The following CDS1 variants were observed in gnomAD, a reference collection of about 807,000 sequenced individuals.
The protein encoded by CDS1 is phosphatidate cytidylyltransferase 1.
CDS1 carries 41 observed loss-of-function variants against 62.1 expected under a neutral mutation model. The observed-to-expected ratio is 0.66, with a 90% CI of 0.51 to 0.86. The LOEUF is 0.86. CDS1 is among the 40% of genes least tolerant of loss of function. The probability of loss-of-function intolerance (pLI) is 0.00; values close to 1 mark genes in which losing one functional copy is unlikely to be tolerated. For missense variants in CDS1, 470 were observed against 550.1 expected (o/e 0.85, Z 1.46); for synonymous variants, 185 against 192.6 (o/e 0.96, Z 0.32).
At position 84,617,640 on chromosome 4, in the gene CDS1, C is replaced by T. The variant is rs139700399; in HGVS notation, c.419C>T (p.Pro140Leu). The change falls in exon 4 of 13, where the codon CCA (proline) becomes CTA (leucine). Residue 140 changes from proline to leucine, a missense_variant. Pro to Leu is a moderately conservative substitution (Grantham distance 98). Transcript: ENST00000295887. ...AGAGTCTATCATTCTTATGATCTAC[C>T]ATGGTTTAGAACACTAAGTTGGTAA... ...GYRVYHSYDL[P>L]WFRTLSWYFL... 479 of 1,548,580 alleles carry T rather than the reference C, an allele frequency of 3.1e-4. No individual in the cohort carries two copies. The highest frequency in any genetic ancestry group is 2.7e-3 in the Middle Eastern group (16 of 5,908).
intron 8 of CDS1, among the ~76,000 whole-genome samples, chr4:84,635,600 TGCC>T (rs1381578759): frequency 1.6e-4 from 14 of 87,138 alleles, no homozygotes; most frequent in African/African-American, 2.5e-4. Context: ...CCTGCCTGCC[TGCC>T]TGCCTGCCTG....
At position 84,583,294 on chromosome 4, in the gene CDS1, T is replaced by G. The variant is rs1015872341; in HGVS notation, c.-108T>G. ...GTTAGTGGCTGCGGCTCCGCGGGAC[T>G]CCAGGGCGCGGCTGCGAGGTGGCGG... On this transcript the variant is annotated 5_prime_UTR_variant, in exon 1 of 13. Transcript: ENST00000295887. 4.0e-6 allele frequency: 3 copies of G among 751,798 alleles called. No homozygotes were observed. The highest frequency in any genetic ancestry group is 4.3e-6 in the Non-Finnish European group (2 of 461,188). 46.6% of individuals were successfully genotyped at this position (751,798 alleles called of 1,614,324 possible).
intron 5 of CDS1, among the ~76,000 whole-genome samples, chr4:84,620,347 C>T (rs572261156): frequency 6.6e-5 from 10 of 151,072 alleles, no homozygotes; most frequent in South Asian, 2.1e-4. Context: ...CTCAGCCTCC[C>T]GAGTAGCTGG....
intron 11 of CDS1, among the ~76,000 whole-genome samples, chr4:84,643,739 C>G (rs1198243183): frequency 2.6e-5 from 4 of 152,226 alleles, no homozygotes; most frequent in African/African-American, 9.6e-5. Flanking sequence ...TGGCCTGGAT[C>G]TGATCTGTGG....
At position 84,648,790 on chromosome 4, in the gene CDS1, G is replaced by A; in HGVS notation, c.*104G>A. On this transcript the variant is annotated 3_prime_UTR_variant, in exon 13 of 13. Coordinates refer to ENST00000295887, the MANE Select transcript of CDS1 (RefSeq NM_001263.4). The stretch of plus-strand genomic sequence containing the variant: ...AAAATAGTTAAAAATGCAATAGGTT[G>A]AAGTTTTGGAGATATGTTTCTCTCT... 3.6e-6 allele frequency: 4 copies of A among 1,109,584 alleles called. No individual in the cohort carries two copies. The highest frequency in any genetic ancestry group is 5.1e-6 in the Non-Finnish European group (4 of 790,998). 68.7% of individuals were successfully genotyped at this position (1,109,584 alleles called of 1,614,324 possible). A position where few individuals can be genotyped will look rare whatever the true frequency, so the allele number is the denominator to read the frequency against.
At chr4:84,606,305 AGTGTGTGTGTGT>A (rs60828105) in intron 2 of CDS1, among the ~76,000 whole-genome samples, 63 of 146,506 alleles carry the variant, frequency 4.3e-4, no homozygotes, top group African/African-American at 1.5e-3. Flanking sequence ...TTTCTTGTGC[AGTGTGTGTGTGT>A]GTGTGTGTGT....
rs372134066 is a variant in CDS1, at chr4:84,599,393, G to GACAC, written c.118-4840_118-4837dup. ...TAGCAAATATAATTTGGCAAATTTT[G>GACAC]ACACACACACACATATATATATATA... is the stretch of plus-strand genomic sequence containing the variant. On this transcript the variant is annotated intron_variant, in intron 1 of 12. Transcript: ENST00000295887. Among the ~76,000 whole-genome samples the GACAC allele has an allele frequency of 7.3e-3, 389 of 53,488 alleles. 4 individuals are homozygous for GACAC. Among genetic ancestry groups the GACAC allele is most frequent in the African/African-American group, 0.032 (369 of 11,404 alleles). 35.1% of individuals were successfully genotyped at this position (53,488 alleles called of 152,430 possible). A position where few individuals can be genotyped will look rare whatever the true frequency, so the allele number is the denominator to read the frequency against.
chr4:84,615,893 T>A (rs1233825622), intron 3 of CDS1, among the ~76,000 whole-genome samples: 1 of 152,202 alleles, frequency 6.6e-6, no homozygotes, highest in Non-Finnish European at 1.5e-5. Context: ...TTGAAGGATT[T>A]CAACACTACT....
intron 1 of CDS1, among the ~76,000 whole-genome samples, chr4:84,598,188 A>C (rs748471695): frequency 9.9e-5 from 15 of 151,850 alleles, no homozygotes; most frequent in Non-Finnish European, 2.1e-4. Flanking sequence ...AAATGTTGAA[A>C]TCAGGAGCAC....
chr4:84,625,165 A>T (rs1723817232), intron 5 of CDS1, among the ~76,000 whole-genome samples: 1 of 151,930 alleles, frequency 6.6e-6, no homozygotes, highest in African/African-American at 2.4e-5. Context: ...CTGGCCTGGT[A>T]TTTCTTCATT....
In CDS1 at chr4:84,651,088, G is replaced by T. The variant is rs1249737108; in HGVS notation, c.*2402G>T. 6.6e-6 allele frequency: 1 copy of T among 152,090 alleles called. No homozygotes were observed. The highest frequency in any genetic ancestry group is 1.5e-5 in the Non-Finnish European group (1 of 68,032). 9.4% of individuals were successfully genotyped at this position (152,090 alleles called of 1,614,324 possible). A position where few individuals can be genotyped will look rare whatever the true frequency, so the allele number is the denominator to read the frequency against. ...CATTCTTCCTCAGCGCTTTTTCCTTGTTGTGGTGACGTACATTCACTATCT... is the reference window on the plus strand; with the variant it reads ...CATTCTTCCTCAGCGCTTTTTCCTTTTTGTGGTGACGTACATTCACTATCT... On this transcript the variant is annotated 3_prime_UTR_variant, in exon 13 of 13. Transcript: ENST00000295887.
intron 5 of CDS1, among the ~76,000 whole-genome samples, chr4:84,626,402 T>C (rs945475482): frequency 1.3e-5 from 2 of 152,186 alleles, no homozygotes; most frequent in African/African-American, 4.8e-5. Flanking sequence ...TTTTGCAAAA[T>C]TATAGTACAT....
chr4:84,621,614 A>AT (rs1723687969), intron 5 of CDS1, among the ~76,000 whole-genome samples: 1 of 151,934 alleles, frequency 6.6e-6, no homozygotes, highest in Non-Finnish European at 1.5e-5. Context: ...TTTCCCAGAG[A>AT]TTAGGTCTCC....
intron 12 of CDS1, 61 bp from the exon 13 acceptor site, chr4:84,648,496 T>C (rs993454081): frequency 3.7e-5 from 56 of 1,499,598 alleles, no homozygotes; most frequent in Non-Finnish European, 5.1e-5. Flanking sequence ...ATTGGAGGTA[T>C]GTGCTTCACT....
chr4:84,610,653 C>T (rs1723291131), intron 3 of CDS1, among the ~76,000 whole-genome samples: 1 of 152,154 alleles, frequency 6.6e-6, no homozygotes, highest in Non-Finnish European at 1.5e-5. Flanking sequence ...TGAGATGCCA[C>T]CTGATGACAT....
At chr4:84,588,488 G>A (rs895313308) in intron 1 of CDS1, among the ~76,000 whole-genome samples, 14 of 152,142 alleles carry the variant, frequency 9.2e-5, no homozygotes, top group African/African-American at 2.4e-4. Context: ...ACACAGAGCC[G>A]GCTAAACAGG....
chr4:84,617,492 C>A, intron 3 of CDS1, 72 bp from the exon 4 acceptor site: 1 of 779,254 alleles, frequency 1.3e-6, no homozygotes, highest in Non-Finnish European at 2.2e-6. Context: ...ATATGACAAA[C>A]TGCTTTATTG....
At chr4:84,617,504 A>G in intron 3 of CDS1, 60 bp from the exon 4 acceptor site, 2 of 850,788 alleles carry the variant, frequency 2.4e-6, no homozygotes, top group South Asian at 1.5e-5. Context: ...GCTTTATTGA[A>G]TGATTAAGCA....
chr4:84,638,606 T>A (rs944667188), intron 8 of CDS1, among the ~76,000 whole-genome samples: 1 of 152,154 alleles, frequency 6.6e-6, no homozygotes, highest in Non-Finnish European at 1.5e-5. Flanking sequence ...ATAAGAGTCA[T>A]GGGACAGTTA....
Sources: allele counts gnomAD v4.1 joint callset (sites outside exome capture counted in the v4.1 genomes callset), GRCh38; gene constraint gnomAD v4.1.1; transcripts MANE v1.5; gene names NCBI Gene and HGNC (gene_info 2026-07-23, HGNC 2026-07-21).